The following TRAF5 variants were observed in gnomAD, a reference collection of about 807,000 sequenced individuals.
TRAF5 encodes TNF receptor-associated factor 5.
Under a neutral mutation model 64.5 loss-of-function variants are expected in TRAF5, and 48 were observed. The observed-to-expected ratio is 0.74, with a 90% CI of 0.59 to 0.95. The LOEUF is 0.95. Among genes scored for constraint, TRAF5 ranks in the 40% least tolerant of loss-of-function variants. TRAF5 has a pLI of 0.00. For synonymous variants in TRAF5, 206 were observed against 240.5 expected, an observed-to-expected ratio of 0.86 and a Z score of 1.33; for missense variants, 545 against 662.8, an observed-to-expected ratio of 0.82 and a Z score of 1.95.
At chr1:211,360,356 ACT>A (rs1703134608) in intron 5 of TRAF5, 11 of 496,764 alleles carry the variant, frequency 2.2e-5, no homozygotes, top group Middle Eastern at 5.5e-4. Context: ...AATAATGTCT[ACT>A]CTCTGAATTC....
At chr1:211,369,423 T>A (rs1703449913) in intron 8 of TRAF5, 29 bp from the exon 9 acceptor site, 2 of 1,562,614 alleles carry the variant, frequency 1.3e-6, no homozygotes, top group Non-Finnish European at 8.6e-7. Context: ...ATTCAGTGAC[T>A]TTATTTTTCC....
chr1:211,337,760 C>T (rs1169034012), intron 1 of TRAF5, among the ~76,000 whole-genome samples: 1 of 152,116 alleles, frequency 6.6e-6, no homozygotes, highest in Admixed American at 6.5e-5. Context: ...AGAGAGGAGC[C>T]AAGGATCACT....
At chr1:211,351,027 T>A (rs1340432292) in intron 1 of TRAF5, among the ~76,000 whole-genome samples, 1 of 81,752 alleles carries the variant, frequency 1.2e-5, no homozygotes, top group African/African-American at 3.4e-5. Flanking sequence ...GTCTCTGGCC[T>A]CTTCTTTTTT....
chr1:211,343,524 C>T (rs1293630327), intron 1 of TRAF5, among the ~76,000 whole-genome samples: 3 of 152,140 alleles, frequency 2.0e-5, no homozygotes, highest in Admixed American at 6.5e-5. Flanking sequence ...TGGGCTCAAG[C>T]AATCCTCCCA....
At chr1:211,333,084 C>G (rs1477736859) in intron 1 of TRAF5, among the ~76,000 whole-genome samples, 3 of 152,262 alleles carry the variant, frequency 2.0e-5, no homozygotes, top group Admixed American at 2.0e-4. Flanking sequence ...GTGGACCTCT[C>G]TAGCCCTCAT....
rs1703314341 is a variant in TRAF5, at chr1:211,365,304, A to G, written c.697-72A>G. On this transcript the variant is annotated intron_variant, in intron 7 of 10. Transcript: ENST00000261464. ...AAAGTTGTTAAGATTCTATTTTAGCAGAATATCCTACCACCTCTTTCATTT... is the reference window on the plus strand; with the variant it reads ...AAAGTTGTTAAGATTCTATTTTAGCGGAATATCCTACCACCTCTTTCATTT... 5 of 1,260,026 alleles carry G rather than the reference A, an allele frequency of 4.0e-6. No homozygotes were observed. In the Admixed American group the frequency reaches 8.1e-5, roughly 20 times the overall value. 78.1% of individuals were successfully genotyped at this position (1,260,026 alleles called of 1,614,324 possible). A position where few individuals can be genotyped will look rare whatever the true frequency, so the allele number is the denominator to read the frequency against.
chr1:211,359,711 T>C, intron 4 of TRAF5: 1 of 510,484 alleles, frequency 2.0e-6, no homozygotes, highest in East Asian at 3.1e-5. Context: ...CCATCTCTGG[T>C]ACAAGCAGCC....
In TRAF5 at chr1:211,360,732, C is replaced by T; in HGVS notation, c.574C>T (p.Pro192Ser). 1 of 1,613,790 alleles carries T rather than the reference C, an allele frequency of 6.2e-7. No homozygotes were observed. The highest frequency in any genetic ancestry group is 8.5e-7 in the Non-Finnish European group (1 of 1,179,898). Reference sequence around the variant, plus strand: ...TGAGGAAAACTTGTGTCCTGAATACCCAGTATTTTGTCCCAACAATTGTGC... The same window carrying T: ...TGAGGAAAACTTGTGTCCTGAATACTCAGTATTTTGTCCCAACAATTGTGC... ...NHEENLCPEY[P>S]VFCPNNCAKI... Residue 192 changes from proline to serine, a missense_variant, in exon 6 of 11, where the codon CCA becomes TCA. Pro to Ser is a moderately conservative substitution (Grantham distance 74). Transcript: ENST00000261464.
intron 1 of TRAF5, among the ~76,000 whole-genome samples, chr1:211,329,323 C>T (rs1023405626): frequency 4.6e-5 from 7 of 152,174 alleles, no homozygotes; most frequent in Admixed American, 1.3e-4. Context: ...GCTGGGTAGG[C>T]TTGGCAGAGA....
chr1:211,353,687 T>C, intron 2 of TRAF5: 1 of 548,780 alleles, frequency 1.8e-6, no homozygotes, highest in Non-Finnish European at 3.3e-6. Context: ...CTGTACCTGC[T>C]TTGCATGGGA....
At chr1:211,337,490 G>A (rs1268026371) in intron 1 of TRAF5, among the ~76,000 whole-genome samples, 1 of 152,142 alleles carries the variant, frequency 6.6e-6, no homozygotes, top group African/African-American at 2.4e-5. Flanking sequence ...CTTCTACCCC[G>A]AGTGCAATGG....
Position 211,351,158 on chromosome 1 carries a change from C to A in TRAF5, c.-1-2081C>A, listed in dbSNP as rs1198339586. ...TCTCCTGCCTCAGCCTCCCAAGTAGCTGGGACTACAGGCACCTGCCACCAC... is the reference window on the plus strand; with the variant it reads ...TCTCCTGCCTCAGCCTCCCAAGTAGATGGGACTACAGGCACCTGCCACCAC... On this transcript the variant is annotated intron_variant, in intron 1 of 10. Transcript: ENST00000261464. Among the ~76,000 whole-genome samples, 8 of 151,496 alleles carry A rather than the reference C, an allele frequency of 5.3e-5. No individual in the cohort carries two copies. In the East Asian group the frequency reaches 1.6e-3, roughly 29 times the overall value.
In TRAF5 at chr1:211,353,344, T is replaced by A. The variant is rs368844464; in HGVS notation, c.105T>A (p.Phe35Leu). Residue 35 changes from phenylalanine to leucine, a missense_variant, in exon 2 of 11, where the codon TTT (phenylalanine) becomes TTA (leucine). Physicochemically the swap from Phe to Leu is conservative, Grantham distance 22 (BLOSUM62 0). Transcript: ENST00000261464. ...LDFEPSIEYQ[F>L]VERLEERYKC... Reference sequence around the variant, plus strand: ...TTGAGCCCAGTATAGAGTACCAGTTTGTGGAGCGGTTGGAAGAGCGCTACA... The same window carrying A: ...TTGAGCCCAGTATAGAGTACCAGTTAGTGGAGCGGTTGGAAGAGCGCTACA... The A allele has an allele frequency of 3.7e-6, 6 of 1,614,130 alleles. No homozygotes were observed. In the African/African-American group the frequency reaches 8.0e-5, roughly 22 times the overall value.
chr1:211,354,407 C>A lies in TRAF5; in HGVS notation c.219-3C>A, dbSNP rs759696398. ...CTGGCTCCATTTTAATTTTTTTCTCCAGAGAATTAAACACAGTGCCAATCT... is the reference window on the plus strand; with the variant it reads ...CTGGCTCCATTTTAATTTTTTTCTCAAGAGAATTAAACACAGTGCCAATCT... On this transcript the variant is annotated splice_region_variant and splice_polypyrimidine_tract_variant and intron_variant, in intron 2 of 10. Transcript: ENST00000261464. 4 of 1,613,668 alleles carry A rather than the reference C, an allele frequency of 2.5e-6. No homozygotes were observed. The South Asian group carries it at 4.4e-5, about 18-fold the overall frequency.
chr1:211,343,739 T>G (rs1349037545), intron 1 of TRAF5, among the ~76,000 whole-genome samples: 1 of 152,144 alleles, frequency 6.6e-6, no homozygotes, highest in Non-Finnish European at 1.5e-5. Flanking sequence ...CAATCGGAAC[T>G]CTCCTAGATT....
chr1:211,331,558 A>G (rs1411036261), intron 1 of TRAF5, among the ~76,000 whole-genome samples: 1 of 152,220 alleles, frequency 6.6e-6, no homozygotes, highest in Non-Finnish European at 1.5e-5. Flanking sequence ...GTTAATAGCC[A>G]TAGAGCATTG....
chr1:211,356,480 T>C lies in TRAF5; in HGVS notation c.378+12T>C. On this transcript the variant is annotated intron_variant, in intron 4 of 10. Coordinates refer to ENST00000261464, the MANE Select transcript of TRAF5 (RefSeq NM_001033910.3). Reference sequence around the variant, plus strand: ...TGGGCCGGTACCAGGTTGGTATTACTCATGAACGATATCTGCTTTTGCCAT... The same window carrying C: ...TGGGCCGGTACCAGGTTGGTATTACCCATGAACGATATCTGCTTTTGCCAT... 1 of 1,611,354 alleles carries C rather than the reference T, an allele frequency of 6.2e-7. No individual in the cohort carries two copies. The highest frequency in any genetic ancestry group is 8.5e-7 in the Non-Finnish European group (1 of 1,177,706).
At chr1:211,327,039 C>A in intron 1 of TRAF5, 150 bp downstream of exon 1, 1 of 689,964 alleles carries the variant, frequency 1.4e-6, no homozygotes, top group Non-Finnish European at 1.8e-6. Flanking sequence ...GGGGAGGGCG[C>A]GAGGCGGCGG....
intron 4 of TRAF5, 62 bp downstream of exon 4, chr1:211,356,530 C>A: frequency 7.1e-7 from 1 of 1,414,656 alleles, no homozygotes; most frequent in South Asian, 1.2e-5. Flanking sequence ...GTGTTGAACC[C>A]CTTTATGTGA....
Sources: allele counts gnomAD v4.1 joint callset (sites outside exome capture counted in the v4.1 genomes callset), GRCh38; gene constraint gnomAD v4.1.1; transcripts MANE v1.5; gene names NCBI Gene and HGNC (gene_info 2026-07-23, HGNC 2026-07-21).